MYO16: variants seen among roughly 807,000 people sequenced by gnomAD.
MYO16 encodes unconventional myosin-XVI.
A neutral mutation model predicts 205.3 loss-of-function variants in MYO16; 94 were observed. The observed-to-expected ratio is 0.46, with a 90% CI of 0.39 to 0.54. The LOEUF is 0.54. Ranked by LOEUF, MYO16 falls within the 20% of genes least tolerant of loss-of-function variation. MYO16 has a pLI of 0.00. For synonymous variants in MYO16, 988 were observed against 954.0 expected (o/e 1.04, Z -0.66); for missense variants, 2,315 against 2,387.5 (o/e 0.97, Z 0.63).
At chr13:108,614,255 G>T (rs1161308683) in intron 1 of MYO16, among the ~76,000 whole-genome samples, 23 of 151,968 alleles carry the variant, frequency 1.5e-4, no homozygotes, top group Admixed American at 1.4e-3. Context: ...AAGTGCTTAG[G>T]GATAAATTAA....
intron 7 of MYO16, among the ~76,000 whole-genome samples, chr13:108,816,908 G>C (rs944683361): frequency 6.6e-6 from 1 of 152,068 alleles, no homozygotes; most frequent in Non-Finnish European, 1.5e-5. Context: ...GTAATAAATG[G>C]ACAAGAAATT....
chr13:108,737,799 T>C (rs189507040), intron 4 of MYO16, among the ~76,000 whole-genome samples: 49 of 152,326 alleles, frequency 3.2e-4, no homozygotes, highest in African/African-American at 1.1e-3. Context: ...TATTAATTAT[T>C]GCCTCAATTT....
At chr13:108,764,110 G>A (rs1885703163) in intron 4 of MYO16, among the ~76,000 whole-genome samples, 3 of 152,130 alleles carry the variant, frequency 2.0e-5, no homozygotes. Context: ...CACAAACTCT[G>A]AAATAAAGTT....
intron 1 of MYO16, among the ~76,000 whole-genome samples, chr13:108,609,496 T>C (rs371716114): frequency 1.3e-5 from 2 of 152,070 alleles, no homozygotes; most frequent in Non-Finnish European, 2.9e-5. Flanking sequence ...AGTGAATGAA[T>C]GAAGGAACAA....
intron 20 of MYO16, among the ~76,000 whole-genome samples, chr13:108,990,761 A>T (rs150440886): frequency 3.3e-4 from 50 of 152,182 alleles, no homozygotes; most frequent in African/African-American, 1.2e-3. Flanking sequence ...TATGAAGCTT[A>T]TATTCTACCA....
At chr13:109,149,496 C>G (rs905880570) in intron 32 of MYO16, among the ~76,000 whole-genome samples, 1 of 152,076 alleles carries the variant, frequency 6.6e-6, no homozygotes, top group Non-Finnish European at 1.5e-5. Flanking sequence ...TTCTCCAAAC[C>G]CTGGATTCTT....
At chr13:108,644,374 ATC>A (rs1880648622) in intron 1 of MYO16, among the ~76,000 whole-genome samples, 1 of 116,058 alleles carries the variant, frequency 8.6e-6, no homozygotes, top group Non-Finnish European at 1.8e-5. Flanking sequence ...CTATCTATCT[ATC>A]TATCTATCTA....
rs114912609 is a variant in MYO16, at chr13:109,158,018, C to T, written c.5165-6883C>T. On this transcript the variant is annotated intron_variant, in intron 32 of 34. Coordinates refer to ENST00000457511, the MANE Select transcript of MYO16 (RefSeq NM_001198950.3). ...AGCACCAGGTTTGGACCTTGTAGGA[C>T]GTGAATACCTGTTGAATCAGTGGAG... 4.1e-3 allele frequency among the ~76,000 whole-genome samples: 629 copies of T among 152,250 alleles called. 6 individuals carry two copies. The highest frequency in any genetic ancestry group is 0.014 in the African/African-American group (591 of 41,544).
intron 4 of MYO16, among the ~76,000 whole-genome samples, chr13:108,739,966 T>A (rs887374644): frequency 2.0e-5 from 3 of 152,208 alleles, no homozygotes; most frequent in African/African-American, 7.2e-5. Flanking sequence ...GTGGTTCTCG[T>A]GCCATGGTTT....
chr13:108,997,234 C>T (rs2139449750), intron 21 of MYO16, among the ~76,000 whole-genome samples: 1 of 151,310 alleles, frequency 6.6e-6, no homozygotes, highest in East Asian at 2.0e-4. Flanking sequence ...GAGGCTGCTG[C>T]AGTGAGATGG....
the MYO16 span, among the ~76,000 whole-genome samples, chr13:108,560,493 G>C: frequency 2.5e-3 from 378 of 152,160 alleles, 1 homozygote; most frequent in African/African-American, 8.7e-3. Context: ...CCAGTAAAAG[G>C]GTACTTGAAA....
intron 27 of MYO16, among the ~76,000 whole-genome samples, chr13:109,070,565 G>A (rs1887893084): frequency 6.6e-6 from 1 of 152,088 alleles, no homozygotes; most frequent in Non-Finnish European, 1.5e-5. Context: ...TTTTAGGGTA[G>A]CCATTTACTC....
chr13:108,951,155 G>A (rs1288587759), intron 16 of MYO16, among the ~76,000 whole-genome samples: 3 of 151,942 alleles, frequency 2.0e-5, no homozygotes, highest in Non-Finnish European at 1.5e-5. Context: ...ATATGGAAAA[G>A]AACAAAAAAA....
intron 27 of MYO16, among the ~76,000 whole-genome samples, chr13:109,075,763 G>T (rs1732212282): frequency 6.6e-6 from 1 of 152,114 alleles, no homozygotes; most frequent in African/African-American, 2.4e-5. Context: ...GTATCATGTT[G>T]ATTGCTTTTT....
chr13:108,620,391 T>C (rs1035511604), intron 1 of MYO16, among the ~76,000 whole-genome samples: 1 of 152,130 alleles, frequency 6.6e-6, no homozygotes. Flanking sequence ...TGATGTTTGA[T>C]GTTGAAGCCA....
Position 109,052,459 on chromosome 13 carries a change from A to G in MYO16, c.3032A>G (p.Tyr1011Cys), listed in dbSNP as rs906440932. ...ASSIIGENKNYLELSKLLKKK... is the reference protein window; with the variant it reads ...ASSIIGENKNCLELSKLLKKK... ...TCAATTATTGGAGAAAACAAGAATTATCTAGAACTTAGTAAGGTAGGAGTT... is the reference window on the plus strand; with the variant it reads ...TCAATTATTGGAGAAAACAAGAATTGTCTAGAACTTAGTAAGGTAGGAGTT... The change falls in exon 25 of 35, where the codon TAT becomes TGT. Residue 1011 changes from tyrosine to cysteine, a missense_variant. By Grantham distance (194) the Tyr-to-Cys change is radical. Coordinates refer to ENST00000457511, the MANE Select transcript of MYO16 (RefSeq NM_001198950.3). 3.1e-6 allele frequency: 5 copies of G among 1,606,668 alleles called. No individual in the cohort carries two copies. The highest frequency in any genetic ancestry group is 4.3e-6 in the Non-Finnish European group (5 of 1,175,216).
intron 5 of MYO16, among the ~76,000 whole-genome samples, chr13:108,787,672 G>A (rs568083235): frequency 5.3e-4 from 81 of 152,262 alleles, no homozygotes; most frequent in African/African-American, 1.9e-3. Flanking sequence ...AAAACAAGAG[G>A]AAAGTACTAA....
chr13:108,775,949 C>CA (rs1429697091), intron 4 of MYO16, among the ~76,000 whole-genome samples: 1 of 152,074 alleles, frequency 6.6e-6, no homozygotes, highest in African/African-American at 2.4e-5. Context: ...TCGTCCAGTG[C>CA]AAAAATGGGT....
chr13:108,966,874 T>A (rs1012981158), intron 20 of MYO16, among the ~76,000 whole-genome samples: 1 of 152,144 alleles, frequency 6.6e-6, no homozygotes, highest in East Asian at 1.9e-4. Context: ...GTCTCAAAAA[T>A]TTGGATAACC....
Sources: gnomAD v4.1 joint callset for allele counts (sites outside exome capture counted in the v4.1 genomes callset) on GRCh38, gnomAD v4.1.1 for gene constraint, MANE v1.5 for transcripts, NCBI Gene and HGNC (gene_info 2026-07-23, HGNC 2026-07-21) for gene names.